TECRL: variants seen among roughly 807,000 people sequenced by gnomAD.
TECRL encodes trans-2,3-enoyl-CoA reductase like.
A neutral mutation model predicts 52.8 loss-of-function variants in TECRL; 63 were observed. The ratio of observed to expected loss-of-function variants is 1.19; its 90% CI spans 0.97 to 1.47. The LOEUF is 1.47. Among genes scored for constraint, TECRL ranks in the 40% most tolerant of loss-of-function variants. TECRL has a pLI of 0.00. For synonymous variants in TECRL, 164 were observed against 141.9 expected (o/e 1.16, Z -1.10); for missense variants, 482 against 429.6 (o/e 1.12, Z -1.08).
At chr4:64,300,257 G>T (rs1723939488) in intron 7 of TECRL, among the ~76,000 whole-genome samples, 1 of 150,106 alleles carries the variant, frequency 6.7e-6, no homozygotes, top group Non-Finnish European at 1.5e-5. Context: ...TTATTAATTT[G>T]TATTATTAAA....
At chr4:64,347,739 T>A (rs1183100705) in intron 2 of TECRL, among the ~76,000 whole-genome samples, 1 of 152,094 alleles carries the variant, frequency 6.6e-6, no homozygotes, top group African/African-American at 2.4e-5. Flanking sequence ...AGTAACCTCC[T>A]CTCTCTGTAT....
At chr4:64,322,394 C>T (rs945091735) in intron 4 of TECRL, among the ~76,000 whole-genome samples, 1 of 149,322 alleles carries the variant, frequency 6.7e-6, no homozygotes, top group Admixed American at 6.7e-5. Flanking sequence ...GGACCTAGAC[C>T]GAACCTCTGG....
intron 1 of TECRL, among the ~76,000 whole-genome samples, chr4:64,375,540 C>T (rs1356664021): frequency 6.6e-6 from 1 of 151,752 alleles, no homozygotes; most frequent in Non-Finnish European, 1.5e-5. Context: ...TCTCATAAAA[C>T]TATCAATTAA....
chr4:64,394,643 T>C (rs1475720599), intron 1 of TECRL, among the ~76,000 whole-genome samples: 1 of 152,186 alleles, frequency 6.6e-6, no homozygotes, highest in Admixed American at 6.6e-5. Flanking sequence ...AAGATAGGTC[T>C]TGAACACAGA....
intron 2 of TECRL, among the ~76,000 whole-genome samples, chr4:64,356,179 G>T (rs1720756636): frequency 6.6e-6 from 1 of 152,198 alleles, no homozygotes; most frequent in South Asian, 2.1e-4. Flanking sequence ...GCAGAAAGCT[G>T]CAGAGACCTC....
chr4:64,333,858 A>G (rs1207729526), intron 2 of TECRL, among the ~76,000 whole-genome samples: 13 of 114,562 alleles, frequency 1.1e-4, no homozygotes, highest in Non-Finnish European at 2.2e-4. Flanking sequence ...GTCTCTACTA[A>G]AAATACAAAA....
At chr4:64,307,297 C>T (rs1417385822) in intron 6 of TECRL, among the ~76,000 whole-genome samples, 1 of 152,058 alleles carries the variant, frequency 6.6e-6, no homozygotes, top group African/African-American at 2.4e-5. Context: ...GGGTATGAAG[C>T]TCAAAAGAAG....
intron 2 of TECRL, among the ~76,000 whole-genome samples, chr4:64,332,927 A>G (rs879929102): frequency 3.3e-5 from 5 of 152,116 alleles, no homozygotes; most frequent in African/African-American, 9.6e-5. Flanking sequence ...TGAAAAAGCT[A>G]TATATTGAAT....
At chr4:64,298,494 AT>A (rs1436064750) in intron 8 of TECRL, among the ~76,000 whole-genome samples, 1 of 151,274 alleles carries the variant, frequency 6.6e-6, no homozygotes, top group African/African-American at 2.4e-5. Flanking sequence ...TTTATGAAAA[AT>A]ATTATAACAT....
At chr4:64,329,499 G>A (rs1017937623) in intron 2 of TECRL, among the ~76,000 whole-genome samples, 3 of 151,646 alleles carry the variant, frequency 2.0e-5, no homozygotes, top group African/African-American at 7.3e-5. Context: ...AGGAAGTTCG[G>A]ATGAAAAATA....
intron 9 of TECRL, among the ~76,000 whole-genome samples, chr4:64,289,234 C>A (rs1294300684): frequency 6.6e-6 from 1 of 152,098 alleles, no homozygotes; most frequent in Non-Finnish European, 1.5e-5. Flanking sequence ...ATACTACTAA[C>A]TTTGAAATGT....
chr4:64,318,667 A>T (rs1031330766), intron 4 of TECRL, among the ~76,000 whole-genome samples: 2 of 152,196 alleles, frequency 1.3e-5, no homozygotes, highest in Middle Eastern at 3.4e-3. Context: ...AAAAAAATAA[A>T]ATATTGTGAA....
chr4:64,407,878 A>G (rs1030668422), intron 1 of TECRL, among the ~76,000 whole-genome samples: 1 of 150,926 alleles, frequency 6.6e-6, no homozygotes, highest in East Asian at 1.9e-4. Flanking sequence ...TCACCTTGAT[A>G]CTAAAATAAA....
chr4:64,403,475 G>GCGCA lies in TECRL; in HGVS notation c.234+5642_234+5643insTGCG, dbSNP rs59253067. The stretch of plus-strand genomic sequence containing the variant: ...AAACAATATTCTTCCCTCCCTGAGC[G>GCGCA]CACACACACACACACACACACACAC... On this transcript the variant is annotated intron_variant, in intron 1 of 11. Transcript: ENST00000381210. Among the ~76,000 whole-genome samples the GCGCA allele has an allele frequency of 7.0e-4, 104 of 148,290 alleles. 1 individual carries two copies. In the East Asian group the frequency reaches 0.01, roughly 14 times the overall value.
chr4:64,339,289 G>C (rs1414594254), intron 2 of TECRL, among the ~76,000 whole-genome samples: 1 of 110,804 alleles, frequency 9.0e-6, no homozygotes, highest in Admixed American at 1.1e-4. Context: ...GTTGTGGGGT[G>C]GGGGGAGGGG....
Position 64,336,070 on chromosome 4 carries a change from T to A in TECRL, c.287-7514A>T, listed in dbSNP as rs190552346. On this transcript the variant is annotated intron_variant, in intron 2 of 11. Transcript: ENST00000381210. ...TTCTCTCTTTTTCTATTGATTGGAA[T>A]AGTTTCGGAAGGAATGGTACCAGCT... is the stretch of plus-strand genomic sequence containing the variant. Among the ~76,000 whole-genome samples, 655 of 152,274 alleles carry A rather than the reference T, an allele frequency of 4.3e-3. 1 individual carries two copies. Among genetic ancestry groups the A allele is most frequent in the Non-Finnish European group, 6.7e-3 (453 of 68,016 alleles).
chr4:64,344,826 T>C (rs1719837472), intron 2 of TECRL, among the ~76,000 whole-genome samples: 4 of 152,222 alleles, frequency 2.6e-5, no homozygotes. Flanking sequence ...CTGTTTTTGT[T>C]GTCTTAAACA....
intron 2 of TECRL, among the ~76,000 whole-genome samples, chr4:64,360,677 AG>A (rs567280329): frequency 5.1e-4 from 78 of 152,220 alleles, no homozygotes; most frequent in African/African-American, 1.9e-3. Context: ...CTGGGTTAAA[AG>A]GGGAAGGAAC....
At chr4:64,293,892 T>A (rs1293654567) in intron 8 of TECRL, among the ~76,000 whole-genome samples, 1 of 151,568 alleles carries the variant, frequency 6.6e-6, no homozygotes, top group Non-Finnish European at 1.5e-5. Context: ...TGATGTTTTA[T>A]CTTTTAATGT....
Sources: gnomAD v4.1 joint callset for allele counts (sites outside exome capture counted in the v4.1 genomes callset) on GRCh38, gnomAD v4.1.1 for gene constraint, MANE v1.5 for transcripts, NCBI Gene and HGNC (gene_info 2026-07-23, HGNC 2026-07-21) for gene names.